EMCN: variants seen among roughly 807,000 people sequenced by gnomAD.
EMCN encodes endomucin.
In EMCN, 37 loss-of-function variants were observed where a neutral mutation model predicts 38.4. That is an observed-to-expected ratio of 0.96 (90% CI 0.74 to 1.27). The LOEUF (loss-of-function observed/expected upper bound fraction) is 1.27, where lower values mean the gene tolerates loss of function less well. Ranked by LOEUF, EMCN falls within the 50% of genes most tolerant of loss-of-function variation. EMCN has a pLI of 0.00. For missense variants in EMCN, 318 were observed against 302.8 expected (o/e 1.05, Z -0.37); for synonymous variants, 95 against 100.8 (o/e 0.94, Z 0.35).
intron 1 of EMCN, among the ~76,000 whole-genome samples, chr4:100,516,987 C>T (rs1729775786): frequency 6.6e-6 from 1 of 152,002 alleles, no homozygotes; most frequent in African/African-American, 2.4e-5. Context: ...TTATTTCTCC[C>T]AGTAGTACTT....
At chr4:100,438,263 C>T (rs1184200982) in intron 5 of EMCN, among the ~76,000 whole-genome samples, 1 of 151,996 alleles carries the variant, frequency 6.6e-6, no homozygotes, top group Non-Finnish European at 1.5e-5. Context: ...ATGAGTTTAT[C>T]AGGGTATTGA....
At chr4:100,432,095 T>A (rs1054918183) in intron 5 of EMCN, among the ~76,000 whole-genome samples, 1 of 152,146 alleles carries the variant, frequency 6.6e-6, no homozygotes, top group Non-Finnish European at 1.5e-5. Context: ...GTAATGGCTA[T>A]GCAATGTTTG....
chr4:100,427,523 G>A (rs1266907938), intron 5 of EMCN, among the ~76,000 whole-genome samples: 4 of 149,320 alleles, frequency 2.7e-5, no homozygotes, highest in African/African-American at 9.9e-5. Context: ...CTGACCTCAA[G>A]TGATCTTCCC....
intron 1 of EMCN, among the ~76,000 whole-genome samples, chr4:100,495,433 C>T (rs1729185492): frequency 6.6e-6 from 1 of 151,996 alleles, no homozygotes; most frequent in Non-Finnish European, 1.5e-5. Flanking sequence ...AATGCAGCCT[C>T]AATATACTTA....
intron 5 of EMCN, among the ~76,000 whole-genome samples, chr4:100,436,546 A>T (rs375231556): frequency 3.9e-5 from 6 of 152,318 alleles, no homozygotes; most frequent in African/African-American, 1.4e-4. Flanking sequence ...ATCCTATCAT[A>T]AAGTTATATG....
intron 4 of EMCN, among the ~76,000 whole-genome samples, chr4:100,450,664 G>A (rs527892503): frequency 7.2e-5 from 11 of 151,966 alleles, no homozygotes; most frequent in South Asian, 2.1e-4. Flanking sequence ...AAACCATGAC[G>A]TCTGACTAAG....
At chr4:100,472,472 T>G (rs1207477393) in intron 3 of EMCN, among the ~76,000 whole-genome samples, 1 of 152,110 alleles carries the variant, frequency 6.6e-6, no homozygotes, top group African/African-American at 2.4e-5. Flanking sequence ...AAGAAGACAT[T>G]GATAAACGGA....
At chr4:100,473,021 A>AC (rs1728520168) in intron 3 of EMCN, among the ~76,000 whole-genome samples, 1 of 124,316 alleles carries the variant, frequency 8.0e-6, no homozygotes, top group Non-Finnish European at 1.8e-5. Context: ...ATATATATAT[A>AC]TTTTTTTTTT....
At chr4:100,477,166 T>C (rs1264557970) in intron 2 of EMCN, among the ~76,000 whole-genome samples, 1 of 152,204 alleles carries the variant, frequency 6.6e-6, no homozygotes, top group Non-Finnish European at 1.5e-5. Context: ...TTGAGAAACT[T>C]TTATTCCTGC....
intron 5 of EMCN, 90 bp downstream of exon 5, chr4:100,447,443 C>A (rs563978532): frequency 4.5e-6 from 4 of 883,774 alleles, no homozygotes; most frequent in Non-Finnish European, 7.2e-6. Context: ...CTATTTCTCC[C>A]TGCCCCCAAA....
At chr4:100,498,068 G>A (rs1349728030) in intron 1 of EMCN, among the ~76,000 whole-genome samples, 1 of 152,000 alleles carries the variant, frequency 6.6e-6, no homozygotes, top group African/African-American at 2.4e-5. Flanking sequence ...CAGTTTTTGT[G>A]AATTTTAAAC....
At chr4:100,425,149 GCACA>G (rs57293882) in intron 5 of EMCN, among the ~76,000 whole-genome samples, 118 of 141,232 alleles carry the variant, frequency 8.4e-4, no homozygotes, top group African/African-American at 2.2e-3. Context: ...TCTGAATCCA[GCACA>G]CACACACACA....
At chr4:100,428,912 A>T (rs1218894049) in intron 5 of EMCN, among the ~76,000 whole-genome samples, 1 of 152,142 alleles carries the variant, frequency 6.6e-6, no homozygotes, top group Non-Finnish European at 1.5e-5. Context: ...TAGATGTGAA[A>T]CATGCAATAA....
intron 2 of EMCN, 86 bp from the exon 3 acceptor site, chr4:100,475,195 G>A (rs36110054): frequency 0.17 from 103,605 of 609,604 alleles, 17,631 homozygotes; most frequent in East Asian, 0.81. Context: ...TCTATAGGTG[G>A]ACTGGCATTC....
chr4:100,487,042 G>A (rs557303245), intron 1 of EMCN: 84 of 983,942 alleles, frequency 8.5e-5, no homozygotes, highest in Non-Finnish European at 9.8e-5. Flanking sequence ...AGGTAAAAAA[G>A]GCAAAGGTTA....
At chr4:100,511,430 AG>A (rs1284378423) in intron 1 of EMCN, among the ~76,000 whole-genome samples, 1 of 152,198 alleles carries the variant, frequency 6.6e-6, no homozygotes, top group Admixed American at 6.5e-5. Flanking sequence ...CAACTAATAC[AG>A]GTTTCAGCTA....
chr4:100,494,427 T>C (rs1729160435), intron 1 of EMCN, among the ~76,000 whole-genome samples: 1 of 152,140 alleles, frequency 6.6e-6, no homozygotes, highest in Admixed American at 6.5e-5. Flanking sequence ...GGGGAGTATC[T>C]GCTCTGCTGA....
intron 5 of EMCN, among the ~76,000 whole-genome samples, chr4:100,440,860 C>G (rs113140258): frequency 3.9e-5 from 6 of 152,038 alleles, no homozygotes; most frequent in African/African-American, 1.4e-4. Flanking sequence ...CCAAGGCAGG[C>G]AGATCATGAG....
intron 3 of EMCN, among the ~76,000 whole-genome samples, chr4:100,469,248 G>T (rs1330634522): frequency 6.6e-6 from 1 of 151,990 alleles, no homozygotes; most frequent in Non-Finnish European, 1.5e-5. Flanking sequence ...ATGGATAAAA[G>T]ACCTAAATGT....
Sources: gnomAD v4.1 joint callset for allele counts (sites outside exome capture counted in the v4.1 genomes callset) on GRCh38, gnomAD v4.1.1 for gene constraint, MANE v1.5 for transcripts, NCBI Gene and HGNC (gene_info 2026-07-23, HGNC 2026-07-21) for gene names.